The following ACACA variants were observed in gnomAD, a reference collection of about 807,000 sequenced individuals.
ACACA encodes the protein acetyl-CoA carboxylase 1.
ACACA carries 103 observed loss-of-function variants against 296.1 expected under a neutral mutation model. That is an observed-to-expected ratio of 0.35 (90% confidence interval 0.30 to 0.41). The LOEUF is 0.41. Among genes scored for constraint, ACACA ranks in the 10% least tolerant of loss-of-function variants. The probability of loss-of-function intolerance (pLI) is 1.00; values close to 1 mark genes in which losing one functional copy is unlikely to be tolerated. For missense variants in ACACA, 1,554 were observed against 2,989.7 expected, an observed-to-expected ratio of 0.52 and a Z score of 11.20; for synonymous variants, 953 against 1,038.6, an observed-to-expected ratio of 0.92 and a Z score of 1.58.
At chr17:37,388,684 C>G in intron 1 of ACACA, 1 of 1,612,318 alleles carries the variant, frequency 6.2e-7, no homozygotes, top group Non-Finnish European at 8.5e-7. Flanking sequence ...AGATGAGAAC[C>G]TAGAGAAGAG....
At chr17:37,318,689 A>T (rs1394546178) in intron 3 of ACACA, among the ~76,000 whole-genome samples, 2 of 152,190 alleles carry the variant, frequency 1.3e-5, no homozygotes, top group East Asian at 3.8e-4. Flanking sequence ...CCAGTAAAAA[A>T]TTTTTATCTT....
intron 45 of ACACA, chr17:37,140,615 G>A (rs1044927888): frequency 3.0e-5 from 5 of 166,058 alleles, no homozygotes; most frequent in African/African-American, 1.2e-4. Flanking sequence ...ACTCTGTGTT[G>A]TAGCCACAGT....
At chr17:37,390,216 TATTATATATA>T (rs1261102685) in intron 1 of ACACA, among the ~76,000 whole-genome samples, 2 of 72,662 alleles carry the variant, frequency 2.8e-5, no homozygotes, top group African/African-American at 1.5e-4. Context: ...ATTATATATT[TATTATATATA>T]ATTATATATA....
At position 37,122,599 on chromosome 17, in the gene ACACA, C is replaced by T. The variant is rs1008546064; in HGVS notation, c.6070G>A (p.Ala2024Thr). The T allele has an allele frequency of 1.2e-6, 2 of 1,614,070 alleles. No homozygotes were observed. Among genetic ancestry groups the T allele is most frequent in the African/African-American group, 2.7e-5 (2 of 74,932 alleles). The change falls in exon 49 of 56, where the codon GCT (alanine) becomes ACT (threonine). Residue 2024 changes from alanine (A) to threonine (T), a missense_variant. By Grantham distance (58) the Ala-to-Thr change is moderately conservative (BLOSUM62 0). This residue lies in a region of ACACA where 553 missense variants were observed against 1,043.6 expected (regional missense o/e 0.53). Transcript: ENST00000616317. ...RLGGIPVGVV[A>T]VETRTVELSI... ...AGTTCTACTGTTCGGGTTTCTACAG[C>T]AACAACTCCCACAGGTATTCCTCCT...
chr17:37,107,192 C>T (rs758606250), intron 52 of ACACA, among the ~76,000 whole-genome samples: 1 of 152,162 alleles, frequency 6.6e-6, no homozygotes, highest in Admixed American at 6.5e-5. Flanking sequence ...CTAAGGCATG[C>T]GTATCGGAAC....
chr17:37,122,907 T>G, intron 48 of ACACA: 1 of 521,300 alleles, frequency 1.9e-6, no homozygotes, highest in Non-Finnish European at 3.5e-6. Flanking sequence ...CCTCTACATT[T>G]AGACTCAACA....
At chr17:37,339,119 A>G (rs1160442079) in intron 2 of ACACA, among the ~76,000 whole-genome samples, 1 of 152,232 alleles carries the variant, frequency 6.6e-6, no homozygotes, top group Non-Finnish European at 1.5e-5. Flanking sequence ...GTAAATAGTT[A>G]AGTTTAAAAG....
Position 37,256,588 on chromosome 17 carries a change from T to C in ACACA, c.1826+1115A>G, listed in dbSNP as rs576876850. On this transcript the variant is annotated intron_variant, in intron 14 of 55. Coordinates refer to ENST00000616317, the MANE Select transcript of ACACA (RefSeq NM_198834.3). Reference sequence around the variant, plus strand: ...TCTCTACAAAAAATTTAAAATTTGCTGGACATGATGGTGCACACCTGCAGT... The same window carrying C: ...TCTCTACAAAAAATTTAAAATTTGCCGGACATGATGGTGCACACCTGCAGT... Among the ~76,000 whole-genome samples, 8 of 152,256 alleles carry C rather than the reference T, an allele frequency of 5.3e-5. No individual in the cohort carries two copies. The East Asian group carries it at 1.4e-3, about 26-fold the overall frequency.
intron 1 of ACACA, among the ~76,000 whole-genome samples, chr17:37,352,988 G>A (rs1248429641): frequency 1.3e-5 from 2 of 152,184 alleles, no homozygotes; most frequent in Non-Finnish European, 2.9e-5. Context: ...TAAGCCAGAT[G>A]TGCCTATCGT....
chr17:37,127,259 T>C (rs906788242), intron 47 of ACACA, among the ~76,000 whole-genome samples: 1 of 152,228 alleles, frequency 6.6e-6, no homozygotes, highest in Non-Finnish European at 1.5e-5. Context: ...CACTGAATTT[T>C]AACTTTATAT....
chr17:37,363,603 C>T (rs906585271), intron 1 of ACACA, among the ~76,000 whole-genome samples: 1 of 152,190 alleles, frequency 6.6e-6, no homozygotes, highest in Non-Finnish European at 1.5e-5. Flanking sequence ...AACAACAAGG[C>T]CTTCAATACC....
chr17:37,286,010 G>A (rs1466756690), intron 3 of ACACA, among the ~76,000 whole-genome samples: 4 of 152,062 alleles, frequency 2.6e-5, no homozygotes, highest in Non-Finnish European at 5.9e-5. Flanking sequence ...TCCTGCCTCA[G>A]CCTGCAGAGT....
At chr17:37,298,538 T>A (rs541445429) in intron 3 of ACACA, among the ~76,000 whole-genome samples, 1 of 151,884 alleles carries the variant, frequency 6.6e-6, no homozygotes, top group East Asian at 1.9e-4. Context: ...GAAAAAAAAA[T>A]TAGCCAGGCA....
At chr17:37,218,147 CAAAAAAAAAA>C (rs60487601) in intron 29 of ACACA, among the ~76,000 whole-genome samples, 2 of 116,628 alleles carry the variant, frequency 1.7e-5, no homozygotes, top group Admixed American at 1.9e-4. Context: ...CTACCAGTAA[CAAAAAAAAAA>C]AAAAAAAAAA....
intron 1 of ACACA, among the ~76,000 whole-genome samples, chr17:37,405,882 A>T (rs1414566942): frequency 1.6e-5 from 2 of 126,968 alleles, no homozygotes; most frequent in African/African-American, 5.9e-5. Context: ...TTTTGGAATG[A>T]ACTTGTATTA....
At chr17:37,325,794 G>C (rs1438304511) in intron 3 of ACACA, among the ~76,000 whole-genome samples, 1 of 151,640 alleles carries the variant, frequency 6.6e-6, no homozygotes, top group Non-Finnish European at 1.5e-5. Flanking sequence ...GGCTGGTCTT[G>C]AACTGCTGAC....
At chr17:37,237,959 C>T (rs1441036452) in intron 24 of ACACA, among the ~76,000 whole-genome samples, 3 of 152,114 alleles carry the variant, frequency 2.0e-5, no homozygotes, top group Non-Finnish European at 4.4e-5. Context: ...CGGGGTCTTG[C>T]TATGTTGCCC....
intron 45 of ACACA, chr17:37,143,707 T>C: frequency 1.1e-6 from 1 of 909,036 alleles, no homozygotes; most frequent in East Asian, 2.4e-5. Context: ...CTTCTTCATC[T>C]TCCTCCTCCT....
chr17:37,196,657 G>C (rs1480382289), intron 35 of ACACA, among the ~76,000 whole-genome samples: 1 of 151,060 alleles, frequency 6.6e-6, no homozygotes, highest in Non-Finnish European at 1.5e-5. Context: ...ATCCCAATTA[G>C]ACAGCACTTT....
Sources: gnomAD v4.1 joint callset for allele counts (sites outside exome capture counted in the v4.1 genomes callset) on GRCh38, gnomAD v4.1.1 for gene constraint, gnomAD v4.1.1 regional missense constraint, MANE v1.5 for transcripts, NCBI Gene and HGNC (gene_info 2026-07-23, HGNC 2026-07-21) for gene names.